Variants in NR6A1 observed in about 807,000 individuals in gnomAD.
The protein encoded by NR6A1 is nuclear receptor subfamily 6 group A member 1.
In NR6A1, 7 loss-of-function variants were observed where a neutral mutation model predicts 59.1. The ratio of observed to expected loss-of-function variants is 0.12; its 90% CI spans 0.07 to 0.22. The LOEUF is 0.22. Ranked by LOEUF, NR6A1 falls within the 10% of genes least tolerant of loss-of-function variation. NR6A1 has a pLI of 1.00. For missense variants in NR6A1, 468 were observed against 611.6 expected, an observed-to-expected ratio of 0.77 and a Z score of 2.48; for synonymous variants, 243 against 236.1, an observed-to-expected ratio of 1.03 and a Z score of -0.27.
At chr9:124,732,098 A>C (rs192821948) in intron 2 of NR6A1, among the ~76,000 whole-genome samples, 2 of 152,346 alleles carry the variant, frequency 1.3e-5, no homozygotes, top group Admixed American at 1.3e-4. Flanking sequence ...AAAATTAATA[A>C]GTATTAGTTG....
At chr9:124,582,341 C>T (rs183401593) in intron 2 of NR6A1, among the ~76,000 whole-genome samples, 10 of 152,252 alleles carry the variant, frequency 6.6e-5, no homozygotes, top group Admixed American at 4.6e-4. Context: ...CGCATGTTCC[C>T]ACTTATAAGG....
Position 124,643,014 on chromosome 9 carries a change from T to C in NR6A1, c.143-88444A>G, listed in dbSNP as rs760492364. On this transcript the variant is annotated intron_variant, in intron 2 of 9. Coordinates refer to ENST00000487099, the MANE Select transcript of NR6A1 (RefSeq NM_033334.4). ...TCTCAAAGGCCAAAATCATTCTTCA[T>C]GTCTCTTGAGCTTTTTATGATTTTA... Among the ~76,000 whole-genome samples, 8 of 129,456 alleles carry C rather than the reference T, an allele frequency of 6.2e-5. No homozygotes were observed. In the East Asian group the frequency reaches 1.2e-3, roughly 19 times the overall value. The allele number at this position is 129,456 out of a possible 152,430, so 84.9% of individuals were successfully genotyped here.
chr9:124,542,594 C>T (rs1481302863), intron 4 of NR6A1, among the ~76,000 whole-genome samples: 1 of 152,186 alleles, frequency 6.6e-6, no homozygotes, highest in East Asian at 1.9e-4. Flanking sequence ...TTTACTCACC[C>T]TCACCTCACT....
intron 1 of NR6A1, among the ~76,000 whole-genome samples, chr9:124,747,631 A>G (rs1840372990): frequency 6.6e-6 from 1 of 151,970 alleles, no homozygotes; most frequent in South Asian, 2.1e-4. Context: ...TGAACCTATT[A>G]TTTTCTCTTT....
At chr9:124,718,401 T>C (rs1839464510) in intron 2 of NR6A1, among the ~76,000 whole-genome samples, 1 of 152,248 alleles carries the variant, frequency 6.6e-6, no homozygotes, top group Non-Finnish European at 1.5e-5. Flanking sequence ...TTTTACTTTA[T>C]TCTCAGACTT....
intron 6 of NR6A1, among the ~76,000 whole-genome samples, chr9:124,536,942 G>A (rs1051045433): frequency 2.0e-5 from 3 of 152,194 alleles, no homozygotes; most frequent in African/African-American, 7.2e-5. Context: ...GCATTGCTCA[G>A]CCTTTCCTTT....
chr9:124,552,720 A>C (rs909242733), intron 3 of NR6A1, among the ~76,000 whole-genome samples: 1 of 152,230 alleles, frequency 6.6e-6, no homozygotes, highest in Non-Finnish European at 1.5e-5. Flanking sequence ...ATAATAGTTA[A>C]TAACAGGGTT....
At chr9:124,576,281 G>C (rs1834588810) in intron 2 of NR6A1, among the ~76,000 whole-genome samples, 1 of 151,968 alleles carries the variant, frequency 6.6e-6, no homozygotes. Flanking sequence ...CACAAGCTTT[G>C]TTTTGTTTTG....
intron 2 of NR6A1, among the ~76,000 whole-genome samples, chr9:124,657,513 T>C (rs1426841456): frequency 6.6e-6 from 1 of 152,246 alleles, no homozygotes; most frequent in Non-Finnish European, 1.5e-5. Flanking sequence ...GTTTTGAAAC[T>C]TTAAAGAAGT....
intron 2 of NR6A1, among the ~76,000 whole-genome samples, chr9:124,580,951 T>C (rs1033794252): frequency 3.9e-5 from 6 of 152,166 alleles, no homozygotes; most frequent in Admixed American, 6.5e-5. Flanking sequence ...CACAGACCAA[T>C]TGAACAGGAT....
intron 2 of NR6A1, among the ~76,000 whole-genome samples, chr9:124,679,771 C>T (rs968760880): frequency 2.6e-5 from 4 of 151,806 alleles, no homozygotes; most frequent in African/African-American, 9.7e-5. Flanking sequence ...GTGGCGAATG[C>T]CTTTAATCTC....
chr9:124,744,421 T>C (rs1840264422), intron 1 of NR6A1, among the ~76,000 whole-genome samples: 1 of 152,170 alleles, frequency 6.6e-6, no homozygotes, highest in African/African-American at 2.4e-5. Flanking sequence ...ATTTTATAGA[T>C]CTAAACAGAT....
chr9:124,526,822 G>A lies in NR6A1; in HGVS notation c.1158C>T (p.Asn386=), dbSNP rs868142328. 16 of 1,614,064 alleles carry A rather than the reference G, an allele frequency of 9.9e-6. 1 individual carries two copies. Among genetic ancestry groups the A allele is most frequent in the Admixed American group, 5.0e-5 (3 of 60,012 alleles). The change falls in exon 8 of 10, where the codon AAC becomes AAT. Residue 386 remains asparagine (N), a synonymous_variant. Coordinates refer to ENST00000487099, the MANE Select transcript of NR6A1 (RefSeq NM_033334.4). ...YHKFHQLKVS[N]EEYACMKAIN... is the part of the protein sequence containing the mutation. ...TTGCTTTCATGCAAGCATACTCCTC[G>A]TTGCTGACCTTTAGCTGATGGAACT...
chr9:124,640,464 A>G (rs1333015421), intron 2 of NR6A1, among the ~76,000 whole-genome samples: 2 of 152,086 alleles, frequency 1.3e-5, no homozygotes, highest in Non-Finnish European at 2.9e-5. Context: ...CAGTGGAGTG[A>G]TCGTAGCTCA....
intron 2 of NR6A1, among the ~76,000 whole-genome samples, chr9:124,732,842 A>G (rs943509376): frequency 1.3e-5 from 2 of 151,654 alleles, no homozygotes; most frequent in African/African-American, 2.4e-5. Context: ...GACTACAGGC[A>G]CCCGCCACCA....
rs202238038 is a variant in NR6A1 at position 124,570,738 on chromosome 9, T to TG, written c.143-16169dup. Among the ~76,000 whole-genome samples, 87 of 21,916 alleles carry TG rather than the reference T, an allele frequency of 4.0e-3. 2 individuals are homozygous for TG. The East Asian group carries it at 0.091, about 23-fold the overall frequency. The allele number at this position is 21,916 out of a possible 152,430, so 14.4% of individuals were successfully genotyped here. ...GATTCCTTGTTTACTTGGTGGGGGG[T>TG]GGGGGGGCAGGGAAACAGTTGCTTG... On this transcript the variant is annotated intron_variant, in intron 2 of 9. Coordinates refer to ENST00000487099, the MANE Select transcript of NR6A1 (RefSeq NM_033334.4).
At chr9:124,679,749 T>A (rs777505744) in intron 2 of NR6A1, among the ~76,000 whole-genome samples, 2 of 151,358 alleles carry the variant, frequency 1.3e-5, no homozygotes, top group East Asian at 3.9e-4. Flanking sequence ...AAAAAAAAAT[T>A]AGCCGGTCAT....
At chr9:124,645,728 T>TA (rs1037279338) in intron 2 of NR6A1, among the ~76,000 whole-genome samples, 7 of 152,128 alleles carry the variant, frequency 4.6e-5, no homozygotes, top group African/African-American at 1.7e-4. Flanking sequence ...AGAAATTCAT[T>TA]AAAAACATGT....
intron 2 of NR6A1, among the ~76,000 whole-genome samples, chr9:124,665,035 AAG>A (rs1464089538): frequency 2.0e-5 from 3 of 150,630 alleles, no homozygotes; most frequent in Non-Finnish European, 4.4e-5. Context: ...AAAAAAAAAA[AAG>A]GTAAAAATTA....
Sources: allele counts gnomAD v4.1 joint callset (sites outside exome capture counted in the v4.1 genomes callset), GRCh38; gene constraint gnomAD v4.1.1; transcripts MANE v1.5; gene names NCBI Gene and HGNC (gene_info 2026-07-23, HGNC 2026-07-21).